The following UGGT2 variants were observed in gnomAD, a reference collection of about 807,000 sequenced individuals.
UGGT2 encodes the protein UDP-glucose:glycoprotein glucosyltransferase 2.
In UGGT2, 180 loss-of-function variants were observed where a neutral mutation model predicts 192.1. That is an observed-to-expected ratio of 0.94 (90% CI 0.83 to 1.06). UGGT2 has a LOEUF of 1.06. Ranked by LOEUF, UGGT2 falls within the 50% of genes least tolerant of loss-of-function variation. UGGT2 has a pLI of 0.00. For missense variants in UGGT2, 1,849 were observed against 1,795.7 expected (o/e 1.03, Z -0.54); for synonymous variants, 580 against 591.0 (o/e 0.98, Z 0.27).
chr13:96,044,987 T>A (rs549472294), intron 1 of UGGT2, among the ~76,000 whole-genome samples: 1 of 152,234 alleles, frequency 6.6e-6, no homozygotes, highest in East Asian at 1.9e-4. Flanking sequence ...CCTGAAATCA[T>A]TCTATGAAGC....
chr13:95,888,604 T>C (rs192172617), intron 25 of UGGT2, among the ~76,000 whole-genome samples: 1 of 152,238 alleles, frequency 6.6e-6, no homozygotes, highest in Non-Finnish European at 1.5e-5. Flanking sequence ...AGACTAAGGA[T>C]TTAAGAGATT....
chr13:96,037,629 G>A (rs2053044128), intron 1 of UGGT2, among the ~76,000 whole-genome samples: 1 of 152,162 alleles, frequency 6.6e-6, no homozygotes, highest in Admixed American at 6.5e-5. Context: ...GTGTGTGTGT[G>A]TATGCATTTA....
intron 36 of UGGT2, among the ~76,000 whole-genome samples, chr13:95,839,344 C>T (rs868016545): frequency 2.6e-5 from 4 of 152,028 alleles, no homozygotes; most frequent in Non-Finnish European, 5.9e-5. Flanking sequence ...TACTTTCTGT[C>T]TCTACGAATT....
At chr13:95,818,980 C>T (rs984113500) in intron 38 of UGGT2, among the ~76,000 whole-genome samples, 41 of 152,102 alleles carry the variant, frequency 2.7e-4, no homozygotes, top group Non-Finnish European at 1.2e-4. Flanking sequence ...ATTACCTTCC[C>T]TAGGATCCTC....
intron 9 of UGGT2, chr13:95,985,227 A>G: frequency 8.6e-7 from 1 of 1,158,094 alleles, no homozygotes; most frequent in Non-Finnish European, 1.1e-6. Flanking sequence ...CAGATATGAC[A>G]TTTATACACA....
In UGGT2 at chr13:95,972,611, G is replaced by A. The variant is rs910565243; in HGVS notation, c.1153C>T (p.Arg385Cys). The change falls in exon 11 of 39, where the codon CGT (arginine) becomes TGT (cysteine). Residue 385 changes from arginine (R) to cysteine (C), a missense_variant. Physicochemically the swap from Arg to Cys is radical, Grantham distance 180. Coordinates refer to ENST00000376747, the MANE Select transcript of UGGT2 (RefSeq NM_020121.4). ...GDARLFINGLRVDMDVYDAFS... is the reference protein window; with the variant it reads ...GDARLFINGLCVDMDVYDAFS... The stretch of plus-strand genomic sequence containing the variant: ...GCGTCATAAACATCCATATCAACAC[G>A]AAGGCCATTTATAAATAGACGAGCA... 8 of 1,613,592 alleles carry A rather than the reference G, an allele frequency of 5.0e-6. No individual in the cohort carries two copies. The highest frequency in any genetic ancestry group is 2.7e-5 in the African/African-American group (2 of 75,004).
intron 38 of UGGT2, among the ~76,000 whole-genome samples, chr13:95,826,087 T>C (rs1886017350): frequency 6.6e-6 from 1 of 152,088 alleles, no homozygotes. Flanking sequence ...ACAAATAATG[T>C]TGTAGTTTAT....
chr13:95,996,225 G>C, intron 6 of UGGT2, 90 bp from the exon 7 acceptor site: 1 of 1,190,468 alleles, frequency 8.4e-7, no homozygotes, highest in Non-Finnish European at 1.2e-6. Flanking sequence ...AACTTGGCCA[G>C]GTGCGGCAGC....
chr13:95,858,940 G>GA (rs1254839101), intron 33 of UGGT2, among the ~76,000 whole-genome samples: 1 of 152,102 alleles, frequency 6.6e-6, no homozygotes, highest in East Asian at 1.9e-4. Context: ...TTTTGGTCTA[G>GA]AAAAAACAAA....
At chr13:95,989,746 G>T (rs982454669) in intron 8 of UGGT2, 29 of 334,358 alleles carry the variant, frequency 8.7e-5, no homozygotes, top group Non-Finnish European at 1.6e-4. Flanking sequence ...AAATAACATT[G>T]AATAACCTCA....
At chr13:95,945,836 C>T (rs1421772498) in intron 15 of UGGT2, among the ~76,000 whole-genome samples, 5 of 152,118 alleles carry the variant, frequency 3.3e-5, no homozygotes, top group Non-Finnish European at 5.9e-5. Context: ...CCTGCCAAAT[C>T]ACTGAAGTGT....
intron 17 of UGGT2, among the ~76,000 whole-genome samples, chr13:95,927,607 CATTA>C (rs755337160): frequency 1.8e-4 from 28 of 151,914 alleles, no homozygotes; most frequent in Middle Eastern, 6.8e-3. Context: ...GGACAATTCT[CATTA>C]ATTAACTCAC....
chr13:95,949,313 A>G lies in UGGT2; in HGVS notation c.1455+22T>C, dbSNP rs1364572229. ...TGATATCTTTATAAGATATATATGT[A>G]TAATCAAAATATAAAACTCACCAAA... On this transcript the variant is annotated intron_variant, in intron 13 of 38. Transcript: ENST00000376747. The G allele has an allele frequency of 8.7e-6, 13 of 1,491,918 alleles. 1 individual carries two copies. Among genetic ancestry groups the G allele is most frequent in the South Asian group, 4.3e-5 (3 of 70,500 alleles). The allele number at this position is 1,491,918 out of a possible 1,614,324, so 92.4% of individuals were successfully genotyped here. A position where few individuals can be genotyped will look rare whatever the true frequency, so the allele number is the denominator to read the frequency against.
Position 95,928,370 on chromosome 13 carries a change from C to T in UGGT2, c.1978-1034G>A, listed in dbSNP as rs536619853. ...CCCACCTCCCGGACAGGACGGCTGC[C>T]GGGCGGAGACGCTCCTCACTTCCCG... On this transcript the variant is annotated intron_variant, in intron 17 of 38. Transcript: ENST00000376747. Among the ~76,000 whole-genome samples, 7 of 84,678 alleles carry T rather than the reference C, an allele frequency of 8.3e-5. No individual in the cohort carries two copies. In the South Asian group the frequency reaches 2.3e-3, roughly 28 times the overall value. The allele number at this position is 84,678 out of a possible 152,430, so 55.6% of individuals were successfully genotyped here.
At chr13:95,880,892 T>C (rs979362238) in intron 27 of UGGT2, among the ~76,000 whole-genome samples, 1 of 152,128 alleles carries the variant, frequency 6.6e-6, no homozygotes, top group African/African-American at 2.4e-5. Flanking sequence ...AAACAAAACA[T>C]GGCCGAGTGC....
chr13:95,867,358 C>CT lies in UGGT2; in HGVS notation c.3538dup (p.Ser1180LysfsTer16). On this transcript the variant is annotated frameshift_variant, in exon 30 of 39. Transcript: ENST00000376747. LOFTEE classifies it high-confidence loss of function. Reference sequence around the variant, plus strand: ...ACATACTTTTACTTTGAGTATCTTGCTTTTGAAGCTGTTTAATACAACAAT... The same window carrying CT: ...ACATACTTTTACTTTGAGTATCTTGCTTTTTGAAGCTGTTTAATACAACAAT... The CT allele has an allele frequency of 6.2e-7, 1 of 1,607,904 alleles. No individual in the cohort carries two copies. The highest frequency in any genetic ancestry group is 8.5e-7 in the Non-Finnish European group (1 of 1,177,658).
At chr13:95,871,028 T>A (rs1156942294) in intron 29 of UGGT2, among the ~76,000 whole-genome samples, 1 of 152,226 alleles carries the variant, frequency 6.6e-6, no homozygotes, top group Non-Finnish European at 1.5e-5. Context: ...ATTTGCTCAG[T>A]CACAGGTATT....
At chr13:95,886,732 A>C (rs965909030) in intron 26 of UGGT2, among the ~76,000 whole-genome samples, 1 of 152,160 alleles carries the variant, frequency 6.6e-6, no homozygotes, top group Non-Finnish European at 1.5e-5. Context: ...CCAACTATTA[A>C]AAATACTTAG....
intron 38 of UGGT2, among the ~76,000 whole-genome samples, chr13:95,804,207 C>T (rs1884199685): frequency 2.0e-5 from 3 of 152,156 alleles, no homozygotes; most frequent in Middle Eastern, 6.8e-3. Flanking sequence ...ATTCTATTTA[C>T]AGTAGCATCA....
Sources: gnomAD v4.1 joint callset for allele counts (sites outside exome capture counted in the v4.1 genomes callset) on GRCh38, gnomAD v4.1.1 for gene constraint, MANE v1.5 for transcripts, NCBI Gene and HGNC (gene_info 2026-07-23, HGNC 2026-07-21) for gene names.